Variants in ADAMTS12 observed in about 807,000 individuals in gnomAD.
ADAMTS12 encodes ADAM metallopeptidase with thrombospondin type 1 motif 12.
In ADAMTS12, 118 loss-of-function variants were observed where a neutral mutation model predicts 167.8. That is an observed-to-expected ratio of 0.70 (90% confidence interval 0.61 to 0.82). ADAMTS12 has a LOEUF of 0.82. Among genes scored for constraint, ADAMTS12 ranks in the 40% least tolerant of loss-of-function variants. The pLI, the probability that ADAMTS12 is intolerant of heterozygous loss-of-function variation, is 0.00. For missense variants in ADAMTS12, 1,916 were observed against 1,998.8 expected, an observed-to-expected ratio of 0.96 and a Z score of 0.79; for synonymous variants, 704 against 716.9, an observed-to-expected ratio of 0.98 and a Z score of 0.29.
intron 20 of ADAMTS12, among the ~76,000 whole-genome samples, chr5:33,560,575 G>A (rs1745691324): frequency 6.6e-6 from 1 of 152,054 alleles, no homozygotes; most frequent in African/African-American, 2.4e-5. Flanking sequence ...TATACACCAT[G>A]GAATACTATG....
chr5:33,600,347 A>G (rs927508568), intron 16 of ADAMTS12, among the ~76,000 whole-genome samples: 17 of 152,196 alleles, frequency 1.1e-4, no homozygotes, highest in Non-Finnish European at 2.1e-4. Context: ...TTGAATGAAA[A>G]TTATGCCTCG....
chr5:33,690,237 T>A (rs1186420746), intron 3 of ADAMTS12, among the ~76,000 whole-genome samples: 4 of 152,164 alleles, frequency 2.6e-5, no homozygotes, highest in African/African-American at 9.7e-5. Context: ...GGAAGCTCAT[T>A]TTTACTCCAC....
At chr5:33,828,243 A>G (rs960148494) in intron 2 of ADAMTS12, among the ~76,000 whole-genome samples, 11 of 152,184 alleles carry the variant, frequency 7.2e-5, no homozygotes, top group African/African-American at 2.4e-4. Context: ...AGTAACATCA[A>G]GTGCTTTTAA....
At chr5:33,788,497 G>T (rs1372084768) in intron 2 of ADAMTS12, among the ~76,000 whole-genome samples, 1 of 152,076 alleles carries the variant, frequency 6.6e-6, no homozygotes, top group East Asian at 1.9e-4. Context: ...AATATGCCAG[G>T]TTCAGGTGCA....
intron 18 of ADAMTS12, among the ~76,000 whole-genome samples, chr5:33,584,309 A>G (rs1427341996): frequency 6.6e-6 from 1 of 152,164 alleles, no homozygotes; most frequent in Non-Finnish European, 1.5e-5. Flanking sequence ...GTAATTAAAT[A>G]TTGATTTCTG....
intron 3 of ADAMTS12, among the ~76,000 whole-genome samples, chr5:33,718,586 G>A (rs1454884540): frequency 6.6e-6 from 1 of 151,492 alleles, no homozygotes; most frequent in Non-Finnish European, 1.5e-5. Flanking sequence ...TGGAAAAAAT[G>A]TCTTCCATGA....
Position 33,849,931 on chromosome 5 carries a change from T to A in ADAMTS12, c.489+31188A>T, listed in dbSNP as rs184302363. 2.1e-3 allele frequency among the ~76,000 whole-genome samples: 314 copies of A among 152,130 alleles called. 2 individuals carry two copies. Among genetic ancestry groups the A allele is most frequent in the African/African-American group, 7.3e-3 (304 of 41,520 alleles). On this transcript the variant is annotated intron_variant, in intron 2 of 23. Transcript: ENST00000504830. ...ACATATAGATAGCATGTGTATATAA[T>A]ATATACACACACTATACTAGTAGCA...
At chr5:33,726,252 G>A (rs868528826) in intron 3 of ADAMTS12, among the ~76,000 whole-genome samples, 3 of 152,144 alleles carry the variant, frequency 2.0e-5, no homozygotes, top group Admixed American at 1.3e-4. Flanking sequence ...TCCTTGCCTC[G>A]GTGAGTACAC....
chr5:33,719,386 G>A (rs1743728860), intron 3 of ADAMTS12, among the ~76,000 whole-genome samples: 1 of 152,198 alleles, frequency 6.6e-6, no homozygotes, highest in African/African-American at 2.4e-5. Context: ...ACTCTGGGTT[G>A]GGTGAAAAGT....
At chr5:33,730,289 G>GGGGGGTGTGTGTGT (rs1554038433) in intron 3 of ADAMTS12, among the ~76,000 whole-genome samples, 1 of 144,154 alleles carries the variant, frequency 6.9e-6, no homozygotes, top group Non-Finnish European at 1.5e-5. Context: ...AGTCCATTAG[G>GGGGGGTGTGTGTGT]GTGTGTGTGT....
chr5:33,709,871 G>GA (rs1020805997), intron 3 of ADAMTS12, among the ~76,000 whole-genome samples: 2 of 151,620 alleles, frequency 1.3e-5, no homozygotes, highest in South Asian at 2.1e-4. Context: ...TAATAAAATA[G>GA]AAAAAAACAA....
chr5:33,746,234 T>C (rs11744137), intron 3 of ADAMTS12, among the ~76,000 whole-genome samples: 3,300 of 152,284 alleles, frequency 0.022, 54 homozygotes, highest in Non-Finnish European at 0.034. Flanking sequence ...ACTGAGTACA[T>C]GTTAAACTCA....
intron 3 of ADAMTS12, among the ~76,000 whole-genome samples, chr5:33,694,272 T>C (rs1334981513): frequency 6.6e-6 from 1 of 152,240 alleles, no homozygotes; most frequent in Non-Finnish European, 1.5e-5. Flanking sequence ...AATTCTTTTA[T>C]TAATGTCTGA....
intron 18 of ADAMTS12, among the ~76,000 whole-genome samples, chr5:33,583,779 T>G (rs1747198358): frequency 6.6e-6 from 1 of 152,228 alleles, no homozygotes; most frequent in African/African-American, 2.4e-5. Flanking sequence ...CTGCTTGCCA[T>G]TAGTATGCCT....
chr5:33,649,109 C>T, intron 8 of ADAMTS12, 143 bp from the exon 9 acceptor site: 1 of 937,854 alleles, frequency 1.1e-6, no homozygotes. Context: ...ACTCTCTAGG[C>T]CCATCATGGG....
At chr5:33,745,859 G>A (rs563529347) in intron 3 of ADAMTS12, among the ~76,000 whole-genome samples, 1 of 152,004 alleles carries the variant, frequency 6.6e-6, no homozygotes, top group African/African-American at 2.4e-5. Flanking sequence ...AACTAATAGG[G>A]TTATTATTTT....
chr5:33,670,044 A>C (rs1660751505), intron 5 of ADAMTS12, among the ~76,000 whole-genome samples: 3 of 152,124 alleles, frequency 2.0e-5, no homozygotes, highest in Admixed American at 2.0e-4. Context: ...CTTTGAGAGA[A>C]ACCTTATGAA....
intron 14 of ADAMTS12, 21 bp downstream of exon 14, chr5:33,624,210 G>A (rs199912534): frequency 3.0e-5 from 49 of 1,613,352 alleles, no homozygotes; most frequent in East Asian, 1.1e-4. Context: ...CTGCCACTTC[G>A]ATTATTTATT....
intron 5 of ADAMTS12, among the ~76,000 whole-genome samples, chr5:33,665,761 G>A (rs772557195): frequency 6.6e-6 from 1 of 152,166 alleles, no homozygotes; most frequent in Non-Finnish European, 1.5e-5. Context: ...AGGGGCTTAT[G>A]TGATGGGGAG....
Sources: gnomAD v4.1 joint callset for allele counts (sites outside exome capture counted in the v4.1 genomes callset) on GRCh38, gnomAD v4.1.1 for gene constraint, MANE v1.5 for transcripts, NCBI Gene and HGNC (gene_info 2026-07-23, HGNC 2026-07-21) for gene names.